ANO3: variants seen among roughly 807,000 people sequenced by gnomAD.
ANO3 encodes the protein anoctamin 3.
In ANO3, 99 loss-of-function variants were observed where a neutral mutation model predicts 144.8. That is an observed-to-expected ratio of 0.68 (90% CI 0.58 to 0.81). The LOEUF (loss-of-function observed/expected upper bound fraction) is 0.81. Ranked by LOEUF, ANO3 falls within the 30% of genes least tolerant of loss-of-function variation. The probability of loss-of-function intolerance (pLI) is 0.00; values close to 1 mark genes in which losing one functional copy is unlikely to be tolerated. For synonymous variants in ANO3, 414 were observed against 392.6 expected, an observed-to-expected ratio of 1.05 and a Z score of -0.64; for missense variants, 905 against 1,202.2, an observed-to-expected ratio of 0.75 and a Z score of 3.66.
At chr11:26,381,688 A>G (rs1856593253) in intron 1 of ANO3, among the ~76,000 whole-genome samples, 1 of 152,184 alleles carries the variant, frequency 6.6e-6, no homozygotes, top group African/African-American at 2.4e-5. Flanking sequence ...GTAAATCCTC[A>G]TTCTTGCCAT....
chr11:26,344,247 A>T (rs553264949), intron 1 of ANO3, among the ~76,000 whole-genome samples: 2 of 152,176 alleles, frequency 1.3e-5, no homozygotes, highest in East Asian at 1.9e-4. Flanking sequence ...TACTTTCACC[A>T]TTTTTTATGC....
At chr11:26,616,848 C>T (rs1852276473) in intron 17 of ANO3, among the ~76,000 whole-genome samples, 1 of 152,174 alleles carries the variant, frequency 6.6e-6, no homozygotes, top group Admixed American at 6.5e-5. Context: ...TCTTAGCTCA[C>T]CACAACCTCT....
At chr11:26,400,843 A>AAT (rs4033234) in intron 1 of ANO3, among the ~76,000 whole-genome samples, 142,040 of 147,982 alleles carry the variant, frequency 0.96, 68,249 homozygotes, top group East Asian at 1. Flanking sequence ...TGCCTAGATG[A>AAT]ATATATATAT....
intron 1 of ANO3, among the ~76,000 whole-genome samples, chr11:26,315,785 T>G (rs1160746018): frequency 6.6e-6 from 1 of 152,134 alleles, no homozygotes; most frequent in Middle Eastern, 3.2e-3. Flanking sequence ...ATCATTTAAA[T>G]AAATATTCTG....
At chr11:26,395,587 T>C (rs889964413) in intron 1 of ANO3, among the ~76,000 whole-genome samples, 4 of 152,110 alleles carry the variant, frequency 2.6e-5, no homozygotes, top group African/African-American at 9.7e-5. Flanking sequence ...TTGTCTATTA[T>C]TGGTGTATAG....
intron 26 of ANO3, 82 bp from the exon 27 acceptor site, chr11:26,660,180 C>A (rs765367303): frequency 3.7e-5 from 48 of 1,292,126 alleles, no homozygotes; most frequent in Non-Finnish European, 5.0e-5. Context: ...AAGGCAAATG[C>A]AACATTGTTC....
At chr11:26,658,982 T>G (rs11029662) in intron 26 of ANO3, among the ~76,000 whole-genome samples, 82,440 of 151,682 alleles carry the variant, frequency 0.54, 23,758 homozygotes, top group South Asian at 0.72. Flanking sequence ...GAAATTGAAA[T>G]ATCTACTCTT....
At position 26,638,160 on chromosome 11, in the gene ANO3, C is replaced by T. The variant is rs1326593068; in HGVS notation, c.2044-984C>T. 7.9e-5 allele frequency among the ~76,000 whole-genome samples: 12 copies of T among 152,236 alleles called. No individual in the cohort carries two copies. In the South Asian group the frequency reaches 2.3e-3, roughly 29 times the overall value. On this transcript the variant is annotated intron_variant, in intron 20 of 26. Transcript: ENST00000256737. The stretch of plus-strand genomic sequence containing the variant: ...CCTTTCCAGGAGGTAGAATTCAACA[C>T]CTCCCCACCATCTTGAGAATGGGCT...
At position 26,598,953 on chromosome 11, in the gene ANO3, CAA is replaced by C. The variant is rs1352678040; in HGVS notation, c.1628_1629del (p.Lys543SerfsTer72). Reference protein sequence around the residue: ...KPEPHQPSSDKVTRLLVSVSG... With the variant: ...KPEPHQPSSDXVTRLLVSVSG... The stretch of plus-strand genomic sequence containing the variant: ...CTGAACCACATCAGCCTTCCTCAGA[CAA>C]AGTCACTCGTCTTCTTGTTTCTGTC... On this transcript the variant is annotated frameshift_variant, in exon 16 of 27. Coordinates refer to ENST00000256737, the MANE Select transcript of ANO3 (RefSeq NM_031418.4). LOFTEE classifies it high-confidence loss of function. 6.2e-7 allele frequency: 1 copy of C among 1,613,998 alleles called. No individual in the cohort carries two copies. The highest frequency in any genetic ancestry group is 8.5e-7 in the Non-Finnish European group (1 of 1,179,938).
intron 1 of ANO3, among the ~76,000 whole-genome samples, chr11:26,198,881 G>A (rs887503714): frequency 6.6e-6 from 1 of 152,094 alleles, no homozygotes; most frequent in Non-Finnish European, 1.5e-5. Flanking sequence ...TGACACTTCT[G>A]TCACTTGCAA....
intron 1 of ANO3, among the ~76,000 whole-genome samples, chr11:26,348,492 T>C (rs1470763831): frequency 6.6e-6 from 1 of 152,234 alleles, no homozygotes; most frequent in Admixed American, 6.5e-5. Context: ...TTCTAAAATT[T>C]AGAATCTATA....
At chr11:26,545,875 A>G (rs900186829) in intron 11 of ANO3, among the ~76,000 whole-genome samples, 15 of 123,638 alleles carry the variant, frequency 1.2e-4, no homozygotes, top group African/African-American at 4.3e-4. Flanking sequence ...GACATTTTTC[A>G]TTAGCCTCTT....
At chr11:26,323,484 T>G (rs1298769806) in intron 1 of ANO3, among the ~76,000 whole-genome samples, 4 of 152,058 alleles carry the variant, frequency 2.6e-5, no homozygotes, top group African/African-American at 7.2e-5. Context: ...ATAAATTGCT[T>G]GGGGTTTTGA....
rs549115720 is a variant in ANO3, at chr11:26,279,877, C to A, written c.155-29768C>A. Among the ~76,000 whole-genome samples the A allele has an allele frequency of 2.2e-4, 33 of 152,204 alleles. No homozygotes were observed. The South Asian group carries it at 6.0e-3, about 28-fold the overall frequency. On this transcript the variant is annotated intron_variant, in intron 1 of 27. Transcript: ENST00000672621. ...ATGGGAGTAGAATAAGTCAAAATAC[C>A]CAATACTTGCTCTTATTAATGAATT...
At chr11:26,588,999 A>G (rs188498225) in intron 14 of ANO3, among the ~76,000 whole-genome samples, 1 of 152,286 alleles carries the variant, frequency 6.6e-6, no homozygotes, top group East Asian at 1.9e-4. Context: ...CTCTTTTAAA[A>G]CTGCTGAAAA....
At chr11:26,625,434 C>G in intron 18 of ANO3, among the ~76,000 whole-genome samples, 1 of 152,172 alleles carries the variant, frequency 6.6e-6, no homozygotes, top group East Asian at 1.9e-4. Flanking sequence ...ACAGTTATTT[C>G]TCCTCCTTCC....
At chr11:26,334,227 A>C (rs1407579013) in intron 1 of ANO3, among the ~76,000 whole-genome samples, 5 of 152,236 alleles carry the variant, frequency 3.3e-5, no homozygotes, top group Admixed American at 3.3e-4. Context: ...AAAGGATACA[A>C]ATCTAGAGGA....
intron 17 of ANO3, among the ~76,000 whole-genome samples, chr11:26,619,923 T>C (rs912432579): frequency 2.0e-5 from 3 of 152,208 alleles, no homozygotes; most frequent in Admixed American, 2.0e-4. Context: ...TAAGGTAATT[T>C]TGATGCACAG....
At chr11:26,501,611 C>A (rs1015224550) in intron 4 of ANO3, among the ~76,000 whole-genome samples, 1 of 152,094 alleles carries the variant, frequency 6.6e-6, no homozygotes, top group African/African-American at 2.4e-5. Flanking sequence ...CAGAGCCATG[C>A]ATGCTACATG....
Sources: allele counts gnomAD v4.1 joint callset (sites outside exome capture counted in the v4.1 genomes callset), GRCh38; gene constraint gnomAD v4.1.1; transcripts MANE v1.5; gene names NCBI Gene and HGNC (gene_info 2026-07-23, HGNC 2026-07-21).